The following GPATCH1 variants were observed in gnomAD, a reference collection of about 807,000 sequenced individuals.
GPATCH1 encodes the protein G patch domain-containing protein 1.
Under a neutral mutation model 114.9 loss-of-function variants are expected in GPATCH1, and 73 were observed. The observed-to-expected ratio is 0.64, with a 90% CI of 0.53 to 0.77. The LOEUF is 0.77. GPATCH1 is among the 30% of genes least tolerant of loss of function. The probability of loss-of-function intolerance (pLI) is 0.00; values close to 1 mark genes in which losing one functional copy is unlikely to be tolerated. For missense variants in GPATCH1, 1,058 were observed against 1,144.3 expected, an observed-to-expected ratio of 0.92 and a Z score of 1.09; for synonymous variants, 391 against 428.4, an observed-to-expected ratio of 0.91 and a Z score of 1.08.
intron 17 of GPATCH1, among the ~76,000 whole-genome samples, chr19:33,120,075 T>C (rs1013920040): frequency 1.1e-4 from 15 of 140,200 alleles, no homozygotes; most frequent in Admixed American, 4.4e-4. Flanking sequence ...ATATATAAAA[T>C]ATAAATTTAA....
intron 7 of GPATCH1, among the ~76,000 whole-genome samples, chr19:33,097,264 G>A (rs1382225135): frequency 1.3e-5 from 2 of 152,082 alleles, no homozygotes; most frequent in African/African-American, 2.4e-5. Context: ...TTTTATAAAC[G>A]TGTTTTTTTT....
intron 17 of GPATCH1, among the ~76,000 whole-genome samples, chr19:33,122,252 C>T (rs1972993013): frequency 1.3e-5 from 2 of 151,894 alleles, no homozygotes; most frequent in Non-Finnish European, 2.9e-5. Context: ...AAGTGATCCA[C>T]CTGCCTCAGC....
At chr19:33,116,354 G>A (rs1050486080) in intron 15 of GPATCH1, among the ~76,000 whole-genome samples, 9 of 152,040 alleles carry the variant, frequency 5.9e-5, no homozygotes, top group Non-Finnish European at 1.0e-4. Context: ...GAAGTTCCAC[G>A]TTCCCCTCAC....
At chr19:33,103,545 A>G (rs1311349626) in intron 9 of GPATCH1, among the ~76,000 whole-genome samples, 1 of 151,984 alleles carries the variant, frequency 6.6e-6, no homozygotes, top group African/African-American at 2.4e-5. Context: ...TACTAAAAAT[A>G]CAAAAATTAG....
In GPATCH1 at chr19:33,094,191, T is replaced by C. The variant is rs1344435200; in HGVS notation, c.475T>C (p.Leu159=). 1 of 1,599,728 alleles carries C rather than the reference T, an allele frequency of 6.3e-7. No homozygotes were observed. ...TPAKLSVGFE[L]LRKMGWKEGQ... ...TCCTAGATTATCTGTTGGTTTCGAA[T>C]TGCTAAGAAAAATGGGTTGGAAAGA... is the stretch of plus-strand genomic sequence containing the variant. Residue 159 remains leucine (L), a synonymous_variant, in exon 5 of 20, where the codon TTG becomes CTG. Transcript: ENST00000170564.
At chr19:33,088,111 A>AT in intron 1 of GPATCH1, 23 bp from the exon 2 acceptor site, 1 of 1,228,034 alleles carries the variant, frequency 8.1e-7, no homozygotes. Context: ...CATTTAAAAA[A>AT]CTTTTTTTTT....
chr19:33,099,023 A>C (rs1411658270), intron 8 of GPATCH1, among the ~76,000 whole-genome samples: 1 of 149,206 alleles, frequency 6.7e-6, no homozygotes, highest in Non-Finnish European at 1.5e-5. Flanking sequence ...TTATTTTTAT[A>C]TAACTTAAAT....
chr19:33,128,604 A>G (rs1212451717), intron 19 of GPATCH1, among the ~76,000 whole-genome samples: 2 of 151,956 alleles, frequency 1.3e-5, no homozygotes, highest in Admixed American at 1.3e-4. Context: ...ATGTTGCCCA[A>G]ACTGGTCTCG....
At chr19:33,115,374 T>C (rs545801008) in intron 15 of GPATCH1, among the ~76,000 whole-genome samples, 3 of 149,420 alleles carry the variant, frequency 2.0e-5, no homozygotes, top group South Asian at 4.3e-4. Context: ...CCATGCCCAG[T>C]TGACCCTTTT....
At position 33,112,021 on chromosome 19, in the gene GPATCH1, A is replaced by G. The variant is rs1474972053; in HGVS notation, c.1764+119A>G. The G allele has an allele frequency of 1.4e-5, 10 of 727,764 alleles. No homozygotes were observed. In the East Asian group the frequency reaches 2.8e-4, roughly 20 times the overall value. The allele number at this position is 727,764 out of a possible 1,614,324, so 45.1% of individuals were successfully genotyped here. On this transcript the variant is annotated intron_variant, in intron 12 of 19. Coordinates refer to ENST00000170564, the MANE Select transcript of GPATCH1 (RefSeq NM_018025.3). ...CTCTCTGTCGCCCAGGCTAGAGTGC[A>G]GTGGTGTGATCTCGGCTCACTGCAG...
chr19:33,119,459 G>A (rs1489412354), intron 17 of GPATCH1, among the ~76,000 whole-genome samples: 1 of 152,128 alleles, frequency 6.6e-6, no homozygotes, highest in African/African-American at 2.4e-5. Flanking sequence ...CAGCACTTTG[G>A]GAGGCCGAGG....
intron 17 of GPATCH1, among the ~76,000 whole-genome samples, chr19:33,124,595 T>C (rs2145341177): frequency 6.6e-6 from 1 of 152,350 alleles, no homozygotes; most frequent in Non-Finnish European, 1.5e-5. Flanking sequence ...TGCCAGATTC[T>C]GAGCTTCGAG....
intron 17 of GPATCH1, among the ~76,000 whole-genome samples, chr19:33,123,927 C>G (rs943155743): frequency 5.3e-5 from 8 of 151,630 alleles, no homozygotes; most frequent in Admixed American, 5.3e-4. Context: ...GATCTCGGCT[C>G]ACTGCAGCCT....
intron 6 of GPATCH1, 110 bp downstream of exon 6, chr19:33,095,930 G>C (rs1236774356): frequency 2.4e-6 from 2 of 841,770 alleles, no homozygotes; most frequent in Admixed American, 3.5e-5. Context: ...TAACTATACA[G>C]TTAAATACTC....
At chr19:33,098,722 C>T (rs909849067) in intron 8 of GPATCH1, among the ~76,000 whole-genome samples, 4 of 152,092 alleles carry the variant, frequency 2.6e-5, no homozygotes, top group Non-Finnish European at 5.9e-5. Flanking sequence ...AAGCACCTGT[C>T]CCAAAGACTG....
At chr19:33,125,241 GGGA>G (rs769760307) in intron 18 of GPATCH1, 39 bp downstream of exon 18, 1 of 1,565,298 alleles carries the variant, frequency 6.4e-7, no homozygotes, top group Admixed American at 1.9e-5. Context: ...AGTGTGGGGT[GGGA>G]CCCGCTGGTC....
intron 8 of GPATCH1, 60 bp downstream of exon 8, chr19:33,097,962 G>A: frequency 6.7e-7 from 1 of 1,496,412 alleles, no homozygotes; most frequent in South Asian, 1.2e-5. Context: ...AGGAAGGAGG[G>A]GCTGCAAGAG....
intron 3 of GPATCH1, 44 bp from the exon 4 acceptor site, chr19:33,093,315 A>T: frequency 7.5e-7 from 1 of 1,332,956 alleles, no homozygotes. Context: ...TATTGTGTAT[A>T]GTCACTTTCC....
chr19:33,106,463 G>A (rs1972785652), intron 9 of GPATCH1, among the ~76,000 whole-genome samples: 1 of 152,042 alleles, frequency 6.6e-6, no homozygotes, highest in Non-Finnish European at 1.5e-5. Flanking sequence ...GAAATGGGTG[G>A]GAGGATATTC....
Sources: gnomAD v4.1 joint callset for allele counts (sites outside exome capture counted in the v4.1 genomes callset) on GRCh38, gnomAD v4.1.1 for gene constraint, MANE v1.5 for transcripts, NCBI Gene and HGNC (gene_info 2026-07-23, HGNC 2026-07-21) for gene names.